Variants in GFOD1 observed in about 807,000 individuals in gnomAD.
GFOD1 encodes Gfo/Idh/MocA-like oxidoreductase domain containing 1, also known as glucose-fructose oxidoreductase domain-containing protein 1.
GFOD1 carries 9 observed loss-of-function variants against 25.4 expected under a neutral mutation model. That is an observed-to-expected ratio of 0.35 (90% CI 0.21 to 0.62). The LOEUF is 0.62. Among genes scored for constraint, GFOD1 ranks in the 20% least tolerant of loss-of-function variants. The probability of loss-of-function intolerance (pLI) is 0.72; values close to 1 mark genes in which losing one functional copy is unlikely to be tolerated. For missense variants in GFOD1, 403 were observed against 556.9 expected (o/e 0.72, Z 2.78); for synonymous variants, 253 against 245.6 (o/e 1.03, Z -0.28).
At chr6:13,393,257 G>A (rs1221765834) in intron 1 of GFOD1, among the ~76,000 whole-genome samples, 2 of 151,392 alleles carry the variant, frequency 1.3e-5, no homozygotes, top group Non-Finnish European at 2.9e-5. Context: ...TCAGGAGGCT[G>A]AGGGAGGAGA....
At chr6:13,485,395 CTG>C (rs1758842829) in intron 1 of GFOD1, among the ~76,000 whole-genome samples, 1 of 152,244 alleles carries the variant, frequency 6.6e-6, no homozygotes, top group East Asian at 1.9e-4. Flanking sequence ...GATGTTGTCT[CTG>C]TTCCTTCGCA....
At chr6:13,409,521 G>T (rs1315259284) in intron 1 of GFOD1, among the ~76,000 whole-genome samples, 1 of 152,254 alleles carries the variant, frequency 6.6e-6, no homozygotes, top group Non-Finnish European at 1.5e-5. Context: ...TGCACAGAGA[G>T]ATAGTAGGAA....
chr6:13,412,784 G>A (rs116731569), intron 1 of GFOD1, among the ~76,000 whole-genome samples: 2,683 of 152,268 alleles, frequency 0.018, 89 homozygotes, highest in African/African-American at 0.058. Context: ...CACTTCCCCC[G>A]CCCTCCTTTG....
At chr6:13,410,010 T>TG (rs1488925884) in intron 1 of GFOD1, among the ~76,000 whole-genome samples, 1 of 148,344 alleles carries the variant, frequency 6.7e-6, no homozygotes, top group Non-Finnish European at 1.5e-5. Flanking sequence ...TTTTAGTTTT[T>TG]TTTTTTTTTT....
intron 1 of GFOD1, among the ~76,000 whole-genome samples, chr6:13,415,723 G>T (rs542598142): frequency 6.6e-6 from 1 of 152,350 alleles, no homozygotes; most frequent in South Asian, 2.1e-4. Flanking sequence ...ACGTAGAAAT[G>T]GTTAAATGAG....
chr6:13,394,941 C>T (rs968224157), intron 1 of GFOD1, among the ~76,000 whole-genome samples: 16 of 152,016 alleles, frequency 1.1e-4, no homozygotes, highest in Admixed American at 1.0e-3. Context: ...CCTTTCATAC[C>T]TGGCTAATTT....
At chr6:13,425,094 G>A (rs1036272543) in intron 1 of GFOD1, among the ~76,000 whole-genome samples, 4 of 151,392 alleles carry the variant, frequency 2.6e-5, no homozygotes, top group Non-Finnish European at 4.4e-5. Flanking sequence ...AGGCAGTTGA[G>A]ACCACAGGCA....
intron 1 of GFOD1, among the ~76,000 whole-genome samples, chr6:13,465,333 C>CT (rs1758361593): frequency 6.6e-6 from 1 of 152,156 alleles, no homozygotes. Context: ...AGGGGTTGGA[C>CT]AAGCTTGATC....
chr6:13,470,492 G>A (rs962858225), intron 1 of GFOD1: 1 of 1,549,928 alleles, frequency 6.5e-7, no homozygotes, highest in African/African-American at 1.4e-5. Flanking sequence ...CTCTCCAAGA[G>A]CAGCATCGTG....
At chr6:13,478,864 T>C (rs1481504077) in intron 1 of GFOD1, among the ~76,000 whole-genome samples, 1 of 152,100 alleles carries the variant, frequency 6.6e-6, no homozygotes, top group African/African-American at 2.4e-5. Flanking sequence ...ACTAAAGCCC[T>C]GCTGCAGCCC....
chr6:13,420,601 T>C lies in GFOD1; in HGVS notation c.254-54939A>G, dbSNP rs917535620. Among the ~76,000 whole-genome samples, 5 of 152,254 alleles carry C rather than the reference T, an allele frequency of 3.3e-5. No homozygotes were observed. In the East Asian group the frequency reaches 7.7e-4, roughly 23 times the overall value. On this transcript the variant is annotated intron_variant, in intron 1 of 1. Transcript: ENST00000379287. ...CAAAAGGCACGTGTTTTCTTCTTCC[T>C]GTGCAGTACCTCAAAATGCATCCAG...
At chr6:13,477,146 A>G (rs1285258077) in intron 1 of GFOD1, among the ~76,000 whole-genome samples, 1 of 151,852 alleles carries the variant, frequency 6.6e-6, no homozygotes, top group East Asian at 1.9e-4. Flanking sequence ...CAGCTTGCCT[A>G]GCCAGGTGGC....
In GFOD1 at chr6:13,365,665, G is replaced by A. The variant is rs780110544; in HGVS notation, c.254-3C>T. On this transcript the variant is annotated splice_region_variant and splice_polypyrimidine_tract_variant and intron_variant, in intron 1 of 1. Coordinates refer to ENST00000379287, the MANE Select transcript of GFOD1 (RefSeq NM_018988.4). This position sits in a 1 kb window ranked among gnomAD's most constrained non-coding sequence, Gnocchi z 9.2. ...GCAGATGACGTTCTTGCCGATGCCT[G>A]CGGGTGGGAGGAAGACAGCGGTCAG... The A allele has an allele frequency of 1.3e-6, 2 of 1,589,252 alleles. No homozygotes were observed. The highest frequency in any genetic ancestry group is 1.7e-5 in the Admixed American group (1 of 59,854).
chr6:13,363,769 G>A lies in GFOD1; in HGVS notation c.*974C>T, dbSNP rs1175393648. On this transcript the variant is annotated 3_prime_UTR_variant, in exon 2 of 2. Coordinates refer to ENST00000379287, the MANE Select transcript of GFOD1 (RefSeq NM_018988.4). ...TCACACTGCAACACTGAGGCACACA[G>A]CTCTCCCCAGTCTTTGGGGGCAGCA... 1 of 151,988 alleles carries A rather than the reference G, an allele frequency of 6.6e-6. No homozygotes were observed. The highest frequency in any genetic ancestry group is 1.5e-5 in the Non-Finnish European group (1 of 68,000). The allele number at this position is 151,988 out of a possible 1,614,324, so 9.4% of individuals were successfully genotyped here. A position where few individuals can be genotyped will look rare whatever the true frequency, so the allele number is the denominator to read the frequency against.
At position 13,369,141 on chromosome 6, in the gene GFOD1, C is replaced by T. The variant is rs533617825; in HGVS notation, c.254-3479G>A. On this transcript the variant is annotated intron_variant, in intron 1 of 1. Coordinates refer to ENST00000379287, the MANE Select transcript of GFOD1 (RefSeq NM_018988.4). ...TTAATGCTTAAGTCTCCATTAATAC[C>T]CACAGCACCCTGTGGTGCATCCAGT... is the stretch of plus-strand genomic sequence containing the variant. Among the ~76,000 whole-genome samples the T allele has an allele frequency of 3.3e-4, 50 of 152,294 alleles. No individual in the cohort carries two copies. In the South Asian group the frequency reaches 0.01, roughly 31 times the overall value.
intron 1 of GFOD1, among the ~76,000 whole-genome samples, chr6:13,441,151 G>C (rs191448904): frequency 6.6e-6 from 1 of 152,136 alleles, no homozygotes. Flanking sequence ...AGGGTAGTGC[G>C]GTGCCCACAC....
chr6:13,365,155 G>A lies in GFOD1; in HGVS notation c.761C>T (p.Ser254Leu). The A allele has an allele frequency of 6.2e-7, 1 of 1,613,624 alleles. No individual in the cohort carries two copies. Among genetic ancestry groups the A allele is most frequent in the South Asian group, 1.1e-5 (1 of 91,086 alleles). ...EFKQDVTVVG[S>L]AGRLLAVGTD... is the part of the protein sequence containing the mutation. Reference sequence around the variant, plus strand: ...GCCCACGGCCAGCAGGCGCCCGGCTGAGCCCACCACAGTGACATCCTGCTT... The same window carrying A: ...GCCCACGGCCAGCAGGCGCCCGGCTAAGCCCACCACAGTGACATCCTGCTT... Residue 254 changes from serine to leucine, a missense_variant, in exon 2 of 2, where the codon TCA (serine) becomes TTA (leucine). Coordinates refer to ENST00000379287, the MANE Select transcript of GFOD1 (RefSeq NM_018988.4). The surrounding 1 kb of genome is among the most constrained non-coding windows in gnomAD (Gnocchi z 9.2).
At chr6:13,424,955 T>C (rs1045914553) in intron 1 of GFOD1, among the ~76,000 whole-genome samples, 24 of 146,732 alleles carry the variant, frequency 1.6e-4, no homozygotes, top group Non-Finnish European at 3.0e-4. Context: ...CACATTTAAT[T>C]CTTTTTTTTT....
rs36218477 is a variant in GFOD1 at position 13,464,861 on chromosome 6, CGTGTGTGTGTGTGTGTGT to C, written c.253+21759_253+21776del. ...TCCCTGCACCCTCTCTTCCTCTTTCCGTGTGTGTGTGTGTGTGTGTGTGTGTGTGTGTGTGTGTGTGTG... is the reference window on the plus strand; with the variant it reads ...TCCCTGCACCCTCTCTTCCTCTTTCCGTGTGTGTGTGTGTGTGTGTGTGTG... On this transcript the variant is annotated intron_variant, in intron 1 of 1. Transcript: ENST00000379287. Among the ~76,000 whole-genome samples, 667 of 146,222 alleles carry C rather than the reference CGTGTGTGTGTGTGTGTGT, an allele frequency of 4.6e-3. 4 individuals are homozygous for C. Among genetic ancestry groups the C allele is most frequent in the African/African-American group, 0.01 (399 of 39,088 alleles).
Sources: gnomAD v4.1 joint callset for allele counts (sites outside exome capture counted in the v4.1 genomes callset) on GRCh38, gnomAD v4.1.1 for gene constraint, Gnocchi (gnomAD v3.1) non-coding constraint, MANE v1.5 for transcripts, NCBI Gene and HGNC (gene_info 2026-07-23, HGNC 2026-07-21) for gene names.